The following PAM variants were observed in gnomAD, a reference collection of about 807,000 sequenced individuals.
The protein encoded by PAM is peptidylglycine alpha-amidating monooxygenase.
Under a neutral mutation model 122.1 loss-of-function variants are expected in PAM, and 72 were observed. That is an observed-to-expected ratio of 0.59 (90% confidence interval 0.49 to 0.72). PAM has a LOEUF of 0.72. Among genes scored for constraint, PAM ranks in the 30% least tolerant of loss-of-function variants. The probability of loss-of-function intolerance (pLI) is 0.00; values close to 1 mark genes in which losing one functional copy is unlikely to be tolerated. For missense variants in PAM, 1,106 were observed against 1,183.7 expected (o/e 0.93, Z 0.96); for synonymous variants, 389 against 404.4 (o/e 0.96, Z 0.46).
chr5:102,920,492 C>A (rs943094203), intron 5 of PAM, among the ~76,000 whole-genome samples: 2 of 152,032 alleles, frequency 1.3e-5, no homozygotes, highest in African/African-American at 4.8e-5. Flanking sequence ...TTTGCTTTTT[C>A]ATTATGTATC....
chr5:102,993,981 G>C (rs1774931998), intron 16 of PAM, among the ~76,000 whole-genome samples: 1 of 152,078 alleles, frequency 6.6e-6, no homozygotes, highest in Non-Finnish European at 1.5e-5. Context: ...TGAAATGTGG[G>C]AGTAGAGTCA....
intron 1 of PAM, among the ~76,000 whole-genome samples, chr5:102,758,068 ATTTTGTTTTTTTTTTTTTTTTTTTTT>A (rs1751066636): frequency 1.5e-4 from 13 of 87,610 alleles, no homozygotes; most frequent in East Asian, 6.3e-4. Context: ...AAGACTTAGA[ATTTTGTTTTTTTTTTTTTTTTTTTTT>A]TTTTTTTTTT....
At chr5:102,833,495 C>T (rs1008081077) in intron 1 of PAM, among the ~76,000 whole-genome samples, 3 of 151,980 alleles carry the variant, frequency 2.0e-5, no homozygotes, top group Non-Finnish European at 2.9e-5. Context: ...GGAAAGAACA[C>T]GTTGTGGGGA....
intron 1 of PAM, among the ~76,000 whole-genome samples, chr5:102,803,314 G>A (rs2150118025): frequency 6.6e-6 from 1 of 152,300 alleles, no homozygotes; most frequent in Middle Eastern, 3.4e-3. Flanking sequence ...TAAGATGGTA[G>A]CTAGATGTAG....
intron 7 of PAM, among the ~76,000 whole-genome samples, chr5:102,933,937 G>A (rs192925633): frequency 7.9e-5 from 12 of 152,226 alleles, no homozygotes; most frequent in Non-Finnish European, 1.5e-4. Flanking sequence ...TGGGAAACTG[G>A]ATCAGATTGC....
At chr5:102,990,661 A>G (rs1005951907) in intron 16 of PAM, among the ~76,000 whole-genome samples, 1 of 152,168 alleles carries the variant, frequency 6.6e-6, no homozygotes, top group African/African-American at 2.4e-5. Context: ...CCCACTTACC[A>G]TTTTGCTCCC....
At chr5:102,963,868 G>A (rs1364117974) in intron 14 of PAM, among the ~76,000 whole-genome samples, 1 of 149,674 alleles carries the variant, frequency 6.7e-6, no homozygotes, top group Non-Finnish European at 1.5e-5. Context: ...TATTTAAATT[G>A]TACTATATAT....
intron 1 of PAM, among the ~76,000 whole-genome samples, chr5:102,809,008 C>T (rs1266609173): frequency 1.3e-5 from 2 of 152,152 alleles, no homozygotes; most frequent in Non-Finnish European, 2.9e-5. Flanking sequence ...AACAGTGATA[C>T]GTGAATATTT....
At chr5:102,872,192 T>C (rs1198087100) in intron 3 of PAM, among the ~76,000 whole-genome samples, 1 of 152,172 alleles carries the variant, frequency 6.6e-6, no homozygotes, top group Non-Finnish European at 1.5e-5. Context: ...CTTCAGATCA[T>C]GCATTGAAAT....
chr5:102,776,528 G>T (rs931687896), intron 1 of PAM, among the ~76,000 whole-genome samples: 3 of 152,050 alleles, frequency 2.0e-5, no homozygotes, highest in Non-Finnish European at 4.4e-5. Context: ...TGTGAGGAAG[G>T]GGTCCAGTTT....
intron 1 of PAM, among the ~76,000 whole-genome samples, chr5:102,863,018 T>TTGCTTTGTATTACAAATAAA (rs1561666361): frequency 2.7e-5 from 4 of 150,912 alleles, no homozygotes; most frequent in African/African-American, 9.9e-5. Flanking sequence ...AAATGAAAAT[T>TTGCTTTGTATTACAAATAAA]AGAGGGAATG....
chr5:102,861,943 G>T (rs564660086), intron 1 of PAM, among the ~76,000 whole-genome samples: 1 of 152,246 alleles, frequency 6.6e-6, no homozygotes, highest in Admixed American at 6.5e-5. Context: ...GCTGAGACAG[G>T]CAGATCACTT....
At chr5:102,800,739 C>T (rs1374090692) in intron 1 of PAM, among the ~76,000 whole-genome samples, 2 of 152,130 alleles carry the variant, frequency 1.3e-5, no homozygotes, top group Admixed American at 1.3e-4. Context: ...TTGTTTGAGT[C>T]CCTGGTCTGG....
chr5:102,970,117 A>G (rs1486099380), intron 14 of PAM, among the ~76,000 whole-genome samples: 1 of 152,172 alleles, frequency 6.6e-6, no homozygotes, highest in Non-Finnish European at 1.5e-5. Flanking sequence ...CTCTTGGAGA[A>G]GTCATACAAC....
intron 7 of PAM, among the ~76,000 whole-genome samples, chr5:102,934,603 G>T (rs941797912): frequency 2.0e-5 from 3 of 152,128 alleles, no homozygotes; most frequent in Non-Finnish European, 2.9e-5. Flanking sequence ...CTTTGATGGG[G>T]ATAGGGACAC....
intron 1 of PAM, among the ~76,000 whole-genome samples, chr5:102,840,480 A>G (rs1047441119): frequency 6.6e-6 from 1 of 152,178 alleles, no homozygotes; most frequent in Non-Finnish European, 1.5e-5. Context: ...GGGTTTCACA[A>G]ATTTTGCTTT....
At chr5:102,998,677 G>A (rs896891449) in intron 16 of PAM, among the ~76,000 whole-genome samples, 2 of 152,082 alleles carry the variant, frequency 1.3e-5, no homozygotes, top group African/African-American at 4.8e-5. Context: ...ACTGGGTAAA[G>A]TGCACACAGA....
At chr5:102,887,819 T>A (rs147087147) in intron 3 of PAM, among the ~76,000 whole-genome samples, 6 of 152,006 alleles carry the variant, frequency 3.9e-5, no homozygotes, top group African/African-American at 1.4e-4. Flanking sequence ...CTTGCTAAGT[T>A]TACTCTTCCC....
intron 1 of PAM, among the ~76,000 whole-genome samples, chr5:102,820,960 A>G (rs887163020): frequency 3.0e-4 from 46 of 152,226 alleles, no homozygotes; most frequent in African/African-American, 9.6e-4. Flanking sequence ...CAAGAATTTG[A>G]GGATTAGATT....
Sources: allele counts gnomAD v4.1 joint callset (sites outside exome capture counted in the v4.1 genomes callset), GRCh38; gene constraint gnomAD v4.1.1; transcripts MANE v1.5; gene names NCBI Gene and HGNC (gene_info 2026-07-23, HGNC 2026-07-21).